FREM3: variants seen among roughly 807,000 people sequenced by gnomAD.
FREM3 encodes FRAS1-related extracellular matrix protein 3.
Under a neutral mutation model 129.1 loss-of-function variants are expected in FREM3, and 105 were observed. The ratio of observed to expected loss-of-function variants is 0.81; its 90% CI spans 0.69 to 0.96. The LOEUF is 0.96. Among genes scored for constraint, FREM3 ranks in the 40% least tolerant of loss-of-function variants. The probability of loss-of-function intolerance (pLI) is 0.00; values close to 1 mark genes in which losing one functional copy is unlikely to be tolerated. For synonymous variants in FREM3, 1,014 were observed against 1,044.9 expected, an observed-to-expected ratio of 0.97 and a Z score of 0.57; for missense variants, 2,593 against 2,666.3, an observed-to-expected ratio of 0.97 and a Z score of 0.61.
At chr4:143,678,249 A>G (rs1309502359) in intron 2 of FREM3, among the ~76,000 whole-genome samples, 2 of 152,204 alleles carry the variant, frequency 1.3e-5, no homozygotes. Context: ...AGAGACATGG[A>G]TAAAGCTGGA....
intron 2 of FREM3, among the ~76,000 whole-genome samples, chr4:143,675,729 A>C (rs1346779543): frequency 2.0e-5 from 3 of 152,222 alleles, no homozygotes; most frequent in African/African-American, 7.2e-5. Flanking sequence ...ATCCCACAGA[A>C]ATACAAACTA....
chr4:143,671,515 AT>A (rs960087030), intron 2 of FREM3, among the ~76,000 whole-genome samples: 2 of 152,022 alleles, frequency 1.3e-5, no homozygotes, highest in Non-Finnish European at 2.9e-5. Flanking sequence ...TATAAAAGCA[AT>A]TTTTTTTCTC....
At chr4:143,635,571 C>T (rs958533592) in intron 2 of FREM3, among the ~76,000 whole-genome samples, 1 of 152,192 alleles carries the variant, frequency 6.6e-6, no homozygotes, top group African/African-American at 2.4e-5. Flanking sequence ...TATCTTCGGA[C>T]ATTGCCAAAT....
At chr4:143,618,098 T>C (rs1392743648) in intron 5 of FREM3, among the ~76,000 whole-genome samples, 1 of 152,176 alleles carries the variant, frequency 6.6e-6, no homozygotes, top group African/African-American at 2.4e-5. Context: ...TGTCTGTCTG[T>C]TCATCCCTTG....
chr4:143,586,425 A>T (rs2149833687), intron 6 of FREM3, among the ~76,000 whole-genome samples: 1 of 152,210 alleles, frequency 6.6e-6, no homozygotes, highest in East Asian at 1.9e-4. Flanking sequence ...CAGAATTCTG[A>T]GTTTGATCAC....
At chr4:143,611,238 G>A (rs1229900816) in intron 6 of FREM3, 41 bp downstream of exon 6, 1 of 1,510,826 alleles carries the variant, frequency 6.6e-7, no homozygotes, top group Admixed American at 2.0e-5. Context: ...GTGTGAGAAG[G>A]CAGCTATTGC....
chr4:143,600,112 A>G (rs1738547010), intron 6 of FREM3, among the ~76,000 whole-genome samples: 1 of 152,214 alleles, frequency 6.6e-6, no homozygotes, highest in Non-Finnish European at 1.5e-5. Flanking sequence ...AATCTTTCCA[A>G]CTGGTTGTAG....
In FREM3 at chr4:143,595,889, G is replaced by GAAAAAAAAAAA. The variant is rs70953742; in HGVS notation, c.6029-9907_6029-9897dup. On this transcript the variant is annotated intron_variant, in intron 6 of 7. Transcript: ENST00000329798. ...GGCGACAGAGCGAGACGCCATCTCAGAAAAAAAAAAAAAAAGAAGGAACTG... is the reference window on the plus strand; with the variant it reads ...GGCGACAGAGCGAGACGCCATCTCAGAAAAAAAAAAAAAAAAAAAAAAAAAAGAAGGAACTG... 8.9e-4 allele frequency among the ~76,000 whole-genome samples: 99 copies of GAAAAAAAAAAA among 110,616 alleles called. 2 individuals carry two copies. The highest frequency in any genetic ancestry group is 2.3e-3 in the African/African-American group (65 of 27,850). 72.6% of individuals were successfully genotyped at this position (110,616 alleles called of 152,430 possible). A position where few individuals can be genotyped will look rare whatever the true frequency, so the allele number is the denominator to read the frequency against.
chr4:143,660,998 G>A (rs1739706277), intron 2 of FREM3, among the ~76,000 whole-genome samples: 1 of 152,144 alleles, frequency 6.6e-6, no homozygotes, highest in Non-Finnish European at 1.5e-5. Flanking sequence ...AGACAATGGG[G>A]TTTTCTAGAT....
chr4:143,648,824 A>G (rs6825150), intron 2 of FREM3, among the ~76,000 whole-genome samples: 111,029 of 152,146 alleles, frequency 0.73, 41,055 homozygotes, highest in East Asian at 0.94. Flanking sequence ...GTGCAATGGC[A>G]TGATCATAGC....
intron 2 of FREM3, among the ~76,000 whole-genome samples, chr4:143,632,037 C>G (rs1232493293): frequency 6.6e-6 from 1 of 152,084 alleles, no homozygotes; most frequent in African/African-American, 2.4e-5. Context: ...TTAATGCACT[C>G]CAGAATTCTC....
At chr4:143,664,894 G>T (rs4543069) in intron 2 of FREM3, among the ~76,000 whole-genome samples, 83,352 of 151,084 alleles carry the variant, frequency 0.55, 23,819 homozygotes, top group East Asian at 0.71. Flanking sequence ...CTCCAAGTCA[G>T]GTGCGGGATA....
In FREM3 at chr4:143,699,937, G is replaced by T. The variant is rs1270696846; in HGVS notation, c.739C>A (p.Arg247Ser). Residue 247 changes from arginine to serine, a missense_variant, in exon 1 of 8, where the codon CGT becomes AGT. Transcript: ENST00000329798. This position sits in a 1 kb window ranked among gnomAD's most constrained non-coding sequence, Gnocchi z 4.2. ...GTGTGCTGATAGCGCACCCCAGCAC[G>T]GAGGAAAGCCTCACAGTCTACGCCC... ...GKGVDCEAFL[R>S]AGVRYQHTAT... is the part of the protein sequence containing the mutation. 9 of 1,533,012 alleles carry T rather than the reference G, an allele frequency of 5.9e-6. No individual in the cohort carries two copies. Among genetic ancestry groups the T allele is most frequent in the Non-Finnish European group, 7.9e-6 (9 of 1,144,730 alleles). 95.0% of individuals were successfully genotyped at this position (1,533,012 alleles called of 1,614,324 possible).
chr4:143,697,514 C>G lies in FREM3; in HGVS notation c.3162G>C (p.Glu1054Asp). ...GCACAGTTACTTGTACCTGTACTTT[C>G]TCTATTATGCTATTCCCCACTACCC... is the stretch of plus-strand genomic sequence containing the variant. ...YQWVVGNSIIEKVQVQVTVLP... is the reference protein window; with the variant it reads ...YQWVVGNSIIDKVQVQVTVLP... The change falls in exon 1 of 8, where the codon GAG becomes GAC. Residue 1054 changes from glutamate (E) to aspartate (D), a missense_variant. Coordinates refer to ENST00000329798, the MANE Select transcript of FREM3 (RefSeq NM_001168235.2). 6.5e-7 allele frequency: 1 copy of G among 1,537,314 alleles called. No homozygotes were observed. Among genetic ancestry groups the G allele is most frequent in the East Asian group, 2.4e-5 (1 of 40,912 alleles).
Position 143,696,114 on chromosome 4 carries a change from G to A in FREM3, c.4562C>T (p.Pro1521Leu). 1 of 1,537,508 alleles carries A rather than the reference G, an allele frequency of 6.5e-7. No individual in the cohort carries two copies. The highest frequency in any genetic ancestry group is 8.7e-7 in the Non-Finnish European group (1 of 1,146,964). ...GAAGATCCTGAAGGTTCTGAACACA[G>A]GGTAGAGTTCGCCGATCACTTGAAA... The part of the protein sequence containing the change: ...FEFQVIGELY[P>L]VFRTFRIFIT... Residue 1521 changes from proline to leucine, a missense_variant, in exon 1 of 8, where the codon CCT becomes CTT. Pro to Leu is a moderately conservative substitution (Grantham distance 98, BLOSUM62 -3). This residue lies in a region of FREM3 where 2,276 missense variants were observed against 2,267.2 expected (regional missense o/e 1.00). Coordinates refer to ENST00000329798, the MANE Select transcript of FREM3 (RefSeq NM_001168235.2).
chr4:143,693,013 A>G (rs1349837951), intron 2 of FREM3, 100 bp downstream of exon 2: 2 of 484,234 alleles, frequency 4.1e-6, no homozygotes, highest in Non-Finnish European at 7.1e-6. Context: ...ACTTGCTTAC[A>G]TGATGCCTAT....
chr4:143,633,337 G>A (rs1220602303), intron 2 of FREM3, among the ~76,000 whole-genome samples: 1 of 152,138 alleles, frequency 6.6e-6, no homozygotes, highest in Non-Finnish European at 1.5e-5. Context: ...TGGTAGGTTT[G>A]CAACTAGGAA....
intron 1 of FREM3, among the ~76,000 whole-genome samples, chr4:143,694,456 GT>G (rs1740529740): frequency 6.6e-6 from 1 of 151,984 alleles, no homozygotes; most frequent in African/African-American, 2.4e-5. Flanking sequence ...GTAATAATTT[GT>G]TATGAAGGTC....
intron 2 of FREM3, among the ~76,000 whole-genome samples, chr4:143,686,820 C>A (rs970392751): frequency 2.6e-5 from 4 of 152,008 alleles, no homozygotes; most frequent in Admixed American, 6.6e-5. Context: ...TGGGATACAG[C>A]AAAAGTGGTG....
Sources: gnomAD v4.1 joint callset for allele counts (sites outside exome capture counted in the v4.1 genomes callset) on GRCh38, gnomAD v4.1.1 for gene constraint, gnomAD v4.1.1 regional missense constraint, Gnocchi (gnomAD v3.1) non-coding constraint, MANE v1.5 for transcripts, NCBI Gene and HGNC (gene_info 2026-07-23, HGNC 2026-07-21) for gene names.